Variants in UBE2L3 observed in about 807,000 individuals in gnomAD.
UBE2L3 encodes ubiquitin-conjugating enzyme E2 L3.
A neutral mutation model predicts 17.8 loss-of-function variants in UBE2L3; 1 was observed. That is an observed-to-expected ratio of 0.06 (90% CI 0.02 to 0.27). UBE2L3 has a LOEUF of 0.27. Among genes scored for constraint, UBE2L3 ranks in the 10% least tolerant of loss-of-function variants. UBE2L3 has a pLI of 1.00. For missense variants in UBE2L3, 40 were observed against 192.6 expected, an observed-to-expected ratio of 0.21 and a Z score of 4.69; for synonymous variants, 44 against 68.5, an observed-to-expected ratio of 0.64 and a Z score of 1.76.
intron 3 of UBE2L3, among the ~76,000 whole-genome samples, chr22:21,615,690 G>A (rs1178294942): frequency 6.6e-6 from 1 of 152,196 alleles, no homozygotes; most frequent in African/African-American, 2.4e-5. Context: ...ACTCACTAAA[G>A]TTTTTTGTAG....
chr22:21,582,848 A>G (rs563598685), intron 1 of UBE2L3, among the ~76,000 whole-genome samples: 2 of 152,230 alleles, frequency 1.3e-5, no homozygotes, highest in South Asian at 4.2e-4. Flanking sequence ...TCTTAAGCAG[A>G]GCAGGGGTTG....
chr22:21,582,785 A>G (rs1464884584), intron 1 of UBE2L3, among the ~76,000 whole-genome samples: 4 of 152,088 alleles, frequency 2.6e-5, no homozygotes, highest in Admixed American at 2.6e-4. Context: ...CAGCCTCCCA[A>G]AGTGCTGGGA....
At chr22:21,602,707 A>G (rs1176159269) in intron 2 of UBE2L3, among the ~76,000 whole-genome samples, 2 of 152,236 alleles carry the variant, frequency 1.3e-5, no homozygotes, top group African/African-American at 2.4e-5. Context: ...GGAGGTTGAT[A>G]TCAAGAGCTG....
intron 2 of UBE2L3, among the ~76,000 whole-genome samples, chr22:21,598,792 C>T (rs1338078439): frequency 1.3e-5 from 2 of 151,508 alleles, no homozygotes; most frequent in African/African-American, 4.9e-5. Flanking sequence ...CCTCAGCCTC[C>T]CAAAGTGCTG....
chr22:21,602,129 T>A (rs1182784963), intron 2 of UBE2L3, among the ~76,000 whole-genome samples: 1 of 152,104 alleles, frequency 6.6e-6, no homozygotes, highest in East Asian at 1.9e-4. Context: ...TTCAGCTTTG[T>A]TAGTTCACTG....
intron 2 of UBE2L3, among the ~76,000 whole-genome samples, chr22:21,599,627 CTA>C (rs1264043479): frequency 7.2e-5 from 11 of 152,250 alleles, no homozygotes; most frequent in African/African-American, 2.6e-4. Context: ...TGAGCAGAAA[CTA>C]TGAAAAAATA....
chr22:21,606,773 C>T (rs73400444), intron 2 of UBE2L3, among the ~76,000 whole-genome samples: 12,160 of 151,972 alleles, frequency 0.08, 1,687 homozygotes, highest in African/African-American at 0.28. Flanking sequence ...TGCTAGAGCC[C>T]GGGAAGTCAA....
intron 2 of UBE2L3, among the ~76,000 whole-genome samples, chr22:21,601,127 C>T (rs1170417710): frequency 1.3e-5 from 2 of 151,786 alleles, no homozygotes; most frequent in South Asian, 2.1e-4. Context: ...GCTGAGATCG[C>T]GTCATTGCAC....
Position 21,622,253 on chromosome 22 carries a change from C to T in UBE2L3, c.*584C>T, listed in dbSNP as rs376700494. The stretch of plus-strand genomic sequence containing the variant: ...AATTTAAAAACAAACAGCCACACCC[C>T]TCCTCCAGTCCTTCTCCTCAGTTCT... On this transcript the variant is annotated 3_prime_UTR_variant, in exon 4 of 4. Transcript: ENST00000342192. The T allele has an allele frequency of 1.2e-3, 188 of 153,304 alleles. No individual in the cohort carries two copies. Among genetic ancestry groups the T allele is most frequent in the Middle Eastern group, 3.4e-3 (1 of 294 alleles). The allele number at this position is 153,304 out of a possible 1,614,324, so 9.5% of individuals were successfully genotyped here. A position where few individuals can be genotyped will look rare whatever the true frequency, so the allele number is the denominator to read the frequency against.
At chr22:21,594,647 C>T (rs971915135) in intron 2 of UBE2L3, among the ~76,000 whole-genome samples, 4 of 151,952 alleles carry the variant, frequency 2.6e-5, no homozygotes, top group Non-Finnish European at 4.4e-5. Context: ...AATCTGGGAG[C>T]TTCCAGTCTG....
chr22:21,567,736 A>G lies in UBE2L3; in HGVS notation c.-9A>G. 6.3e-7 allele frequency: 1 copy of G among 1,581,488 alleles called. No homozygotes were observed. The highest frequency in any genetic ancestry group is 1.7e-4 in the Middle Eastern group (1 of 5,878). ...TGCATTCTGGGGAAGGAGCAGCACC[A>G]AATCCAAGATGGCGGCCAGCAGGAG... On this transcript the variant is annotated 5_prime_UTR_variant, in exon 1 of 4. Coordinates refer to ENST00000342192, the MANE Select transcript of UBE2L3 (RefSeq NM_003347.4).
intron 2 of UBE2L3, among the ~76,000 whole-genome samples, chr22:21,604,044 T>G (rs1427438794): frequency 1.3e-5 from 2 of 151,794 alleles, no homozygotes; most frequent in Non-Finnish European, 2.9e-5. Context: ...TCCAAAGTGC[T>G]GGAGTTTAAG....
At chr22:21,617,794 GT>G (rs1929852094) in intron 3 of UBE2L3, among the ~76,000 whole-genome samples, 1 of 152,214 alleles carries the variant, frequency 6.6e-6, no homozygotes, top group African/African-American at 2.4e-5. Flanking sequence ...CTCAGCTGAA[GT>G]TTATTATAGT....
chr22:21,594,629 A>C (rs1490756545), intron 2 of UBE2L3, among the ~76,000 whole-genome samples: 1 of 152,086 alleles, frequency 6.6e-6, no homozygotes, highest in African/African-American at 2.4e-5. Flanking sequence ...GTATGCTCAG[A>C]ATGTTTAAAT....
chr22:21,578,076 G>A (rs1601402675), intron 1 of UBE2L3, among the ~76,000 whole-genome samples: 1 of 152,088 alleles, frequency 6.6e-6, no homozygotes, highest in Admixed American at 6.6e-5. Flanking sequence ...AACAGTCAGC[G>A]GCCGGGCACG....
At chr22:21,571,119 A>G (rs954877459) in intron 1 of UBE2L3, among the ~76,000 whole-genome samples, 7 of 152,242 alleles carry the variant, frequency 4.6e-5, no homozygotes, top group African/African-American at 1.4e-4. Flanking sequence ...TACAGTGTTA[A>G]TAAAACATTA....
chr22:21,595,625 C>T (rs191646304), intron 2 of UBE2L3, among the ~76,000 whole-genome samples: 54 of 152,284 alleles, frequency 3.5e-4, no homozygotes, highest in Admixed American at 1.6e-3. Flanking sequence ...TTGTTGCCAA[C>T]GCAACTCTGG....
At chr22:21,609,585 G>A (rs988060555) in intron 2 of UBE2L3, among the ~76,000 whole-genome samples, 1 of 152,116 alleles carries the variant, frequency 6.6e-6, no homozygotes, top group Non-Finnish European at 1.5e-5. Context: ...GTGCCTATCT[G>A]TAGTCTCAGC....
intron 1 of UBE2L3, chr22:21,568,132 G>C: frequency 9.6e-7 from 1 of 1,046,536 alleles, no homozygotes; most frequent in Non-Finnish European, 1.1e-6. Flanking sequence ...GCGCCTTCGG[G>C]GAAGGCCCGA....
Sources: gnomAD v4.1 joint callset for allele counts (sites outside exome capture counted in the v4.1 genomes callset) on GRCh38, gnomAD v4.1.1 for gene constraint, MANE v1.5 for transcripts, NCBI Gene and HGNC (gene_info 2026-07-23, HGNC 2026-07-21) for gene names.